DPP6: variants seen among roughly 807,000 people sequenced by gnomAD.
DPP6 encodes A-type potassium channel modulatory protein DPP6.
DPP6 carries 69 observed loss-of-function variants against 122.6 expected under a neutral mutation model. The ratio of observed to expected loss-of-function variants is 0.56; its 90% CI spans 0.46 to 0.69. The LOEUF (loss-of-function observed/expected upper bound fraction) is 0.69. Ranked by LOEUF, DPP6 falls within the 30% of genes least tolerant of loss-of-function variation. The probability of loss-of-function intolerance (pLI) is 0.00; values close to 1 mark genes in which losing one functional copy is unlikely to be tolerated. For missense variants in DPP6, 928 were observed against 1,116.9 expected (o/e 0.83, Z 2.41); for synonymous variants, 418 against 433.1 (o/e 0.97, Z 0.43).
intron 1 of DPP6, among the ~76,000 whole-genome samples, chr7:154,407,949 C>T (rs1563619834): frequency 6.6e-6 from 1 of 152,206 alleles, no homozygotes; most frequent in Admixed American, 6.5e-5. Flanking sequence ...AGATATTTAA[C>T]TTTGGGAACA....
intron 1 of DPP6, among the ~76,000 whole-genome samples, chr7:154,314,587 C>T (rs1479114522): frequency 2.0e-5 from 3 of 152,320 alleles, no homozygotes; most frequent in African/African-American, 4.8e-5. Context: ...GCCCCTGAGA[C>T]GTGTCAGCAG....
intron 1 of DPP6, among the ~76,000 whole-genome samples, chr7:153,950,478 G>A (rs1390802636): frequency 3.9e-5 from 6 of 152,174 alleles, no homozygotes; most frequent in Non-Finnish European, 8.8e-5. Context: ...GGACTGCCAC[G>A]ATCACATATG....
intron 1 of DPP6, among the ~76,000 whole-genome samples, chr7:154,031,109 C>A (rs916822491): frequency 6.6e-6 from 1 of 152,092 alleles, no homozygotes; most frequent in Non-Finnish European, 1.5e-5. Flanking sequence ...TGACCATTAT[C>A]CCCCAGGGCG....
intron 10 of DPP6, 122 bp from the exon 11 acceptor site, chr7:154,793,955 CTG>C: frequency 7.0e-7 from 1 of 1,423,140 alleles, no homozygotes; most frequent in Admixed American, 2.5e-5. Context: ...CGCAGGCTGG[CTG>C]TGTCACCACT....
Position 154,062,285 on chromosome 7 carries a change from T to A in DPP6, c.243+9222T>A, listed in dbSNP as rs150456043. Among the ~76,000 whole-genome samples the A allele has an allele frequency of 1.5e-3, 89 of 60,132 alleles. 9 individuals carry two copies. The highest frequency in any genetic ancestry group is 3.8e-3 in the Admixed American group (20 of 5,226). The allele number at this position is 60,132 out of a possible 152,430, so 39.4% of individuals were successfully genotyped here. A position where few individuals can be genotyped will look rare whatever the true frequency, so the allele number is the denominator to read the frequency against. ...CTTACGTGGGATTACTGAGAGCCAG[T>A]CCCTCTTCCCCCCCGGCTCTGAGGA... On this transcript the variant is annotated intron_variant, in intron 1 of 25. Coordinates refer to ENST00000377770, the MANE Select transcript of DPP6 (RefSeq NM_130797.4).
chr7:153,919,783 C>A (rs1800547143), intron 1 of DPP6, among the ~76,000 whole-genome samples: 1 of 152,148 alleles, frequency 6.6e-6, no homozygotes, highest in East Asian at 1.9e-4. Flanking sequence ...TTAAATTATT[C>A]AGTCTGATTT....
the DPP6 span, among the ~76,000 whole-genome samples, chr7:153,855,994 C>A: frequency 1.3e-5 from 2 of 152,154 alleles, no homozygotes; most frequent in African/African-American, 2.4e-5. Context: ...CTCAATACAT[C>A]CAACAGTGTC....
chr7:154,268,337 C>T (rs1302689653), intron 1 of DPP6, among the ~76,000 whole-genome samples: 2 of 152,150 alleles, frequency 1.3e-5, no homozygotes, highest in African/African-American at 2.4e-5. Context: ...GTATTGCTCA[C>T]GGTTCTGGAA....
chr7:154,852,259 T>A (rs1255414925), intron 16 of DPP6, among the ~76,000 whole-genome samples: 1 of 152,168 alleles, frequency 6.6e-6, no homozygotes, highest in Admixed American at 6.5e-5. Context: ...CCCATCCCCC[T>A]GCCCAAGATA....
intron 3 of DPP6, among the ~76,000 whole-genome samples, chr7:154,507,131 C>T (rs35371666): frequency 0.23 from 34,771 of 152,010 alleles, 4,075 homozygotes; most frequent in Middle Eastern, 0.33. Flanking sequence ...ACTGTATGCC[C>T]TTCATAATAA....
At chr7:154,856,721 C>A (rs919843159) in intron 17 of DPP6, among the ~76,000 whole-genome samples, 4 of 152,204 alleles carry the variant, frequency 2.6e-5, no homozygotes, top group Non-Finnish European at 5.9e-5. Flanking sequence ...CCATCCATAT[C>A]CGTTGCGGAG....
chr7:153,999,945 G>A (rs891736857), intron 1 of DPP6, among the ~76,000 whole-genome samples: 1 of 151,746 alleles, frequency 6.6e-6, no homozygotes, highest in East Asian at 1.9e-4. Context: ...GGGTGACAAA[G>A]TGAGACCCCC....
At position 154,256,674 on chromosome 7, in the gene DPP6, C is replaced by T. The variant is rs192537787; in HGVS notation, c.244-189540C>T. The stretch of plus-strand genomic sequence containing the variant: ...AATAACAAAGGAAGCAGCTGTGATG[C>T]TCCTACACTGTGGTAAGTCCCCTTT... On this transcript the variant is annotated intron_variant, in intron 1 of 25. Transcript: ENST00000377770. Among the ~76,000 whole-genome samples, 3 of 152,274 alleles carry T rather than the reference C, an allele frequency of 2.0e-5. No individual in the cohort carries two copies. The East Asian group carries it at 5.8e-4, about 29-fold the overall frequency.
At chr7:154,000,698 A>T (rs1797649050) in intron 1 of DPP6, among the ~76,000 whole-genome samples, 1 of 152,044 alleles carries the variant, frequency 6.6e-6, no homozygotes, top group African/African-American at 2.4e-5. Context: ...GAATACTGAC[A>T]ATAGCTGACG....
At chr7:153,855,166 C>A in the DPP6 span, among the ~76,000 whole-genome samples, 10 of 148,758 alleles carry the variant, frequency 6.7e-5, no homozygotes, top group South Asian at 2.2e-3. Context: ...TGCAGCGCAC[C>A]AGCATGGCAC....
intron 1 of DPP6, among the ~76,000 whole-genome samples, chr7:154,318,013 T>C (rs1462212177): frequency 9.2e-5 from 14 of 152,394 alleles, no homozygotes; most frequent in Admixed American, 2.6e-4. Context: ...AATATTCATT[T>C]CATGAAACTC....
At chr7:153,826,629 A>C in the DPP6 span, among the ~76,000 whole-genome samples, 1 of 152,206 alleles carries the variant, frequency 6.6e-6, no homozygotes, top group African/African-American at 2.4e-5. Flanking sequence ...TTTGGGTTCT[A>C]CATTTGTCTA....
At chr7:154,744,989 A>G (rs1318569688) in intron 8 of DPP6, among the ~76,000 whole-genome samples, 2 of 152,268 alleles carry the variant, frequency 1.3e-5, no homozygotes, top group African/African-American at 4.8e-5. Flanking sequence ...CCTCATTAAA[A>G]GATGACAATC....
intron 1 of DPP6, among the ~76,000 whole-genome samples, chr7:154,408,956 C>A (rs1427359595): frequency 3.9e-5 from 6 of 152,082 alleles, no homozygotes; most frequent in Admixed American, 2.0e-4. Flanking sequence ...GCCTGACCAA[C>A]ATGGTGAAAC....
Sources: gnomAD v4.1 joint callset for allele counts (sites outside exome capture counted in the v4.1 genomes callset) on GRCh38, gnomAD v4.1.1 for gene constraint, MANE v1.5 for transcripts, NCBI Gene and HGNC (gene_info 2026-07-23, HGNC 2026-07-21) for gene names.